FMO1: variants seen among roughly 807,000 people sequenced by gnomAD.
The protein encoded by FMO1 is flavin-containing monooxygenase 1.
A neutral mutation model predicts 45.4 loss-of-function variants in FMO1; 36 were observed. The observed-to-expected ratio is 0.79, with a 90% confidence interval of 0.61 to 1.05. The LOEUF (loss-of-function observed/expected upper bound fraction) is 1.05, where lower values mean the gene tolerates loss of function less well. Among genes scored for constraint, FMO1 ranks in the 50% least tolerant of loss-of-function variants. FMO1 has a pLI of 0.00. For missense variants in FMO1, 615 were observed against 640.3 expected, an observed-to-expected ratio of 0.96 and a Z score of 0.43; for synonymous variants, 228 against 227.2, an observed-to-expected ratio of 1.00 and a Z score of -0.03.
intron 3 of FMO1, among the ~76,000 whole-genome samples, chr1:171,268,793 C>T (rs1323535875): frequency 2.0e-5 from 3 of 152,170 alleles, no homozygotes; most frequent in Non-Finnish European, 4.4e-5. Flanking sequence ...TTTGCATTCA[C>T]ATTCACGACC....
chr1:171,250,337 C>T lies in FMO1; in HGVS notation c.-7+1714C>T, dbSNP rs558899119. Among the ~76,000 whole-genome samples the T allele has an allele frequency of 2.6e-5, 4 of 152,260 alleles. No homozygotes were observed. In the East Asian group the frequency reaches 7.7e-4, roughly 29 times the overall value. On this transcript the variant is annotated intron_variant, in intron 1 of 8. Coordinates refer to ENST00000617670, the MANE Select transcript of FMO1 (RefSeq NM_001282693.2). ...AAAGATATGATGTCAGCAAATGGAA[C>T]ACAGTCTTTTACAATATTAAAACTG... is the stretch of plus-strand genomic sequence containing the variant.
intron 4 of FMO1, 102 bp from the exon 5 acceptor site, chr1:171,278,627 C>G: frequency 1.1e-6 from 1 of 913,740 alleles, no homozygotes. Context: ...GTAAAAATGA[C>G]CAAAATCATC....
Position 171,267,699 on chromosome 1 carries a change from C to A in FMO1, c.289C>A (p.His97Asn). The change falls in exon 3 of 9, where the codon CAC (histidine) becomes AAC (asparagine). Residue 97 changes from histidine to asparagine, a missense_variant. By Grantham distance (68) the His-to-Asn change is moderately conservative (BLOSUM62 1). Coordinates refer to ENST00000617670, the MANE Select transcript of FMO1 (RefSeq NM_001282693.2). Reference protein sequence around the residue: ...FLEYLKMYANHFDLLKHIQFK... With the variant: ...FLEYLKMYANNFDLLKHIQFK... ...GGAATATCTCAAAATGTATGCAAAC[C>A]ACTTTGACCTTCTGAAACACATTCA... The A allele has an allele frequency of 6.2e-7, 1 of 1,612,460 alleles. No homozygotes were observed. Among genetic ancestry groups the A allele is most frequent in the South Asian group, 1.1e-5 (1 of 90,664 alleles).
In FMO1 at chr1:171,267,679, A is replaced by G. The variant is rs748607745; in HGVS notation, c.269A>G (p.Tyr90Cys). 2 of 1,614,118 alleles carry G rather than the reference A, an allele frequency of 1.2e-6. No individual in the cohort carries two copies. The highest frequency in any genetic ancestry group is 1.7e-6 in the Non-Finnish European group (2 of 1,179,984). The change falls in exon 3 of 9, where the codon TAT becomes TGT. Residue 90 changes from tyrosine to cysteine, a missense_variant. Transcript: ENST00000617670. ...GTGCCAAATTCTCAATTCCTGGAAT[A>G]TCTCAAAATGTATGCAAACCACTTT... Reference protein sequence around the residue: ...NYVPNSQFLEYLKMYANHFDL... With the variant: ...NYVPNSQFLECLKMYANHFDL...
At chr1:171,270,833 C>T in intron 3 of FMO1, 1 of 748,090 alleles carries the variant, frequency 1.3e-6, no homozygotes, top group Non-Finnish European at 2.0e-6. Flanking sequence ...AGACACTGTA[C>T]AGTTTAAAAA....
Position 171,275,365 on chromosome 1 carries a change from C to G in FMO1, c.341C>G (p.Thr114Arg). ...IQFKTKVCSV[T>R]KCSDSAVSGQ... ...TTTCAGACCAAAGTCTGCAGTGTAACAAAATGCTCAGATTCTGCTGTCTCT... is the reference window on the plus strand; with the variant it reads ...TTTCAGACCAAAGTCTGCAGTGTAAGAAAATGCTCAGATTCTGCTGTCTCT... The change falls in exon 4 of 9, where the codon ACA becomes AGA. Residue 114 changes from threonine to arginine, a missense_variant. Thr to Arg is a moderately conservative substitution (Grantham distance 71). Coordinates refer to ENST00000617670, the MANE Select transcript of FMO1 (RefSeq NM_001282693.2). The G allele has an allele frequency of 6.2e-7, 1 of 1,613,804 alleles. No individual in the cohort carries two copies. Among genetic ancestry groups the G allele is most frequent in the Non-Finnish European group, 8.5e-7 (1 of 1,179,848 alleles).
intron 1 of FMO1, among the ~76,000 whole-genome samples, chr1:171,250,898 T>C (rs944319259): frequency 6.6e-6 from 1 of 152,208 alleles, no homozygotes; most frequent in Non-Finnish European, 1.5e-5. Context: ...TTTTATTAAA[T>C]ATCTATGCTG....
In FMO1 at chr1:171,278,243, T is replaced by C. The variant is rs1290119842; in HGVS notation, c.485-486T>C. On this transcript the variant is annotated intron_variant, in intron 4 of 8. Transcript: ENST00000617670. ...AACTTTGTGAATAGGGACAACATTT[T>C]ATTTATCTTATTCCCCCCATACCAT... 2.0e-5 allele frequency among the ~76,000 whole-genome samples: 3 copies of C among 152,208 alleles called. 1 individual carries two copies. Among genetic ancestry groups the C allele is most frequent in the African/African-American group, 7.2e-5 (3 of 41,456 alleles).
At chr1:171,274,697 G>C (rs1405113774) in intron 3 of FMO1, among the ~76,000 whole-genome samples, 1 of 152,158 alleles carries the variant, frequency 6.6e-6, no homozygotes, top group East Asian at 1.9e-4. Flanking sequence ...GCCACTTGGT[G>C]AGTGAATAAT....
Position 171,278,883 on chromosome 1 carries a change from A to T in FMO1, c.627+12A>T. 6.3e-7 allele frequency: 1 copy of T among 1,594,622 alleles called. No homozygotes were observed. Among genetic ancestry groups the T allele is most frequent in the Non-Finnish European group, 8.6e-7 (1 of 1,168,638 alleles). ...ACCTGGCGGAAAAGGTACATTCCTG[A>T]TGTTACTGGGTGAAGAGCTTTATCT... is the stretch of plus-strand genomic sequence containing the variant. On this transcript the variant is annotated intron_variant, in intron 5 of 8. Transcript: ENST00000617670.
At chr1:171,284,676 G>A (rs1661542541) in intron 8 of FMO1, among the ~76,000 whole-genome samples, 1 of 149,036 alleles carries the variant, frequency 6.7e-6, no homozygotes, top group African/African-American at 2.5e-5. Flanking sequence ...AGGTTGCAGT[G>A]AGCTATGATC....
intron 2 of FMO1, among the ~76,000 whole-genome samples, chr1:171,262,036 T>A (rs973361022): frequency 6.6e-6 from 1 of 152,220 alleles, no homozygotes; most frequent in Non-Finnish European, 1.5e-5. Context: ...GTAGGTTGAC[T>A]ATCGCCATTA....
intron 4 of FMO1, among the ~76,000 whole-genome samples, chr1:171,278,052 A>G (rs748807260): frequency 1.3e-5 from 2 of 152,326 alleles, no homozygotes; most frequent in South Asian, 2.1e-4. Flanking sequence ...TGATGTTTCA[A>G]TAAGATTCAG....
rs200900910 is a variant in FMO1 at position 171,285,218 on chromosome 1, T to A, written c.1273T>A (p.Cys425Ser). The A allele has an allele frequency of 6.8e-6, 11 of 1,606,130 alleles. No homozygotes were observed. The highest frequency in any genetic ancestry group is 9.4e-6 in the Non-Finnish European group (11 of 1,176,170). Residue 425 changes from cysteine to serine, a missense_variant, in exon 9 of 9, where the codon TGC becomes AGC. Physicochemically the swap from Cys to Ser is moderately radical, Grantham distance 112 (BLOSUM62 -1). Transcript: ENST00000617670. Reference protein sequence around the residue: ...NKPSWFGLCYCKALQSDYITY... With the variant: ...NKPSWFGLCYSKALQSDYITY... Reference sequence around the variant, plus strand: ...TTTATAAAGGTTTGGCTTGTGCTACTGCAAGGCTTTACAATCAGATTATAT... The same window carrying A: ...TTTATAAAGGTTTGGCTTGTGCTACAGCAAGGCTTTACAATCAGATTATAT...
In FMO1 at chr1:171,285,458, C is replaced by T. The variant is rs753779386; in HGVS notation, c.1513C>T (p.Gln505Ter). The change falls in exon 9 of 9, where the codon CAA becomes TAA. Residue 505 changes from glutamine (Q) to a stop codon, truncating the protein, a stop_gained. Coordinates refer to ENST00000617670, the MANE Select transcript of FMO1 (RefSeq NM_001282693.2). LOFTEE classifies it low-confidence loss of function (END_TRUNC). ...CAAGGTCATCAAAGCTCGAGTTGTA[C>T]AAGAGTCTCCATCTCCCTTTGAAAG... ...TFKVIKARVV[Q>*]ESPSPFESFL... 1.9e-6 allele frequency: 3 copies of T among 1,568,292 alleles called. No homozygotes were observed. The highest frequency in any genetic ancestry group is 2.6e-6 in the Non-Finnish European group (3 of 1,158,734).
At position 171,285,514 on chromosome 1, in the gene FMO1, G is replaced by C; in HGVS notation, c.1569G>C (p.Leu523Phe). 2 of 1,509,494 alleles carry C rather than the reference G, an allele frequency of 1.3e-6. No individual in the cohort carries two copies. The highest frequency in any genetic ancestry group is 1.8e-6 in the Non-Finnish European group (2 of 1,130,510). The allele number at this position is 1,509,494 out of a possible 1,614,324, so 93.5% of individuals were successfully genotyped here. ...TTAAAGTCTTTAGCTTTCTGGCTTT[G>C]CTTGTGGCTATTTTTCTGATTTTCC... ...SFLKVFSFLA[L>F]LVAIFLIFL The change falls in exon 9 of 9, where the codon TTG (leucine) becomes TTC (phenylalanine). Residue 523 changes from leucine (L) to phenylalanine (F), a missense_variant. Leu to Phe is a conservative substitution (Grantham distance 22). Transcript: ENST00000617670.
At chr1:171,250,531 C>T (rs1231387823) in intron 1 of FMO1, among the ~76,000 whole-genome samples, 1 of 152,158 alleles carries the variant, frequency 6.6e-6, no homozygotes, top group Non-Finnish European at 1.5e-5. Context: ...CCAAAGCGGA[C>T]ACTCAATCTG....
chr1:171,283,164 C>G lies in FMO1; in HGVS notation c.1204C>G (p.Pro402Ala). ...TACAGGTGTAAATAAGTTACCACCA[C>G]CAAGTGTCATGATAGAGGAAATTAA... ...VLKGVNKLPP[P>A]SVMIEEINAR... Residue 402 changes from proline (P) to alanine (A), a missense_variant, in exon 8 of 9, where the codon CCA becomes GCA. Pro to Ala is a conservative substitution (Grantham distance 27, BLOSUM62 -1). Transcript: ENST00000617670. 6.3e-7 allele frequency: 1 copy of G among 1,578,032 alleles called. No individual in the cohort carries two copies. Among genetic ancestry groups the G allele is most frequent in the Non-Finnish European group, 8.6e-7 (1 of 1,157,860 alleles).
rs28384846 is a variant in FMO1, at chr1:171,255,266, G to A, written c.-6-2816G>A. Among the ~76,000 whole-genome samples, 453 of 152,214 alleles carry A rather than the reference G, an allele frequency of 3.0e-3. 4 individuals carry two copies. The highest frequency in any genetic ancestry group is 0.014 in the Middle Eastern group (4 of 294). On this transcript the variant is annotated intron_variant, in intron 1 of 8. Transcript: ENST00000617670. ...AAAAATGTGCCTTTTCAGTTCCACC[G>A]CTGGCCATAATTCTAATCTTTCTCT...
Sources: allele counts gnomAD v4.1 joint callset (sites outside exome capture counted in the v4.1 genomes callset), GRCh38; gene constraint gnomAD v4.1.1; transcripts MANE v1.5; gene names NCBI Gene and HGNC (gene_info 2026-07-23, HGNC 2026-07-21).